Variants in USP2 observed in about 807,000 individuals in gnomAD.
USP2 encodes the protein ubiquitin carboxyl-terminal hydrolase 2.
In USP2, 33 loss-of-function variants were observed where a neutral mutation model predicts 72.0. That is an observed-to-expected ratio of 0.46 (90% confidence interval 0.35 to 0.61). The LOEUF (loss-of-function observed/expected upper bound fraction) is 0.61. USP2 is among the 20% of genes least tolerant of loss of function. The pLI is 0.01. For missense variants in USP2, 691 were observed against 797.8 expected, an observed-to-expected ratio of 0.87 and a Z score of 1.61; for synonymous variants, 296 against 312.5, an observed-to-expected ratio of 0.95 and a Z score of 0.56.
intron 1 of USP2, among the ~76,000 whole-genome samples, chr11:119,375,164 G>A (rs972539993): frequency 3.3e-5 from 5 of 152,216 alleles, no homozygotes; most frequent in African/African-American, 1.2e-4. Context: ...TGGCCACTCA[G>A]CAGACACTGG....
rs1565312240 is a variant in USP2, at chr11:119,372,947, C to G, written c.534G>C (p.Glu178Asp). The G allele has an allele frequency of 1.9e-6, 3 of 1,613,766 alleles. No individual in the cohort carries two copies. The highest frequency in any genetic ancestry group is 1.3e-5 in the African/African-American group (1 of 75,060). ...GGTAGAGCCCCTGCAGGGTGCAGAG[C>G]TCCTTGCGCGTCCGGGCCAGCATGG... ...RSPMLARTRKELCTLQGLYQT... is the reference protein window; with the variant it reads ...RSPMLARTRKDLCTLQGLYQT... Residue 178 changes from glutamate (E) to aspartate (D), a missense_variant, in exon 2 of 13, where the codon GAG (glutamate) becomes GAC (aspartate). Coordinates refer to ENST00000260187, the MANE Select transcript of USP2 (RefSeq NM_004205.5).
At chr11:119,358,645 G>T in intron 7 of USP2, 128 bp downstream of exon 7, 1 of 1,145,074 alleles carries the variant, frequency 8.7e-7, no homozygotes, top group Non-Finnish European at 1.3e-6. Context: ...TGCTGTTCCT[G>T]CTTTGCTTTG....
chr11:119,366,164 G>C (rs1950850295), intron 2 of USP2, among the ~76,000 whole-genome samples: 1 of 152,192 alleles, frequency 6.6e-6, no homozygotes. Flanking sequence ...CAAAGTGCTG[G>C]GATTACAGGC....
At position 119,355,326 on chromosome 11, in the gene USP2, C is replaced by G. The variant is rs1950635288; in HGVS notation, c.*1509G>C. On this transcript the variant is annotated 3_prime_UTR_variant, in exon 13 of 13. Coordinates refer to ENST00000260187, the MANE Select transcript of USP2 (RefSeq NM_004205.5). ...GTACACTTGCCCTTGGGCTCAGGTT[C>G]ACAGGTCTTCTCTGGAGAAGGGTGT... 1.3e-5 allele frequency: 2 copies of G among 152,250 alleles called. No individual in the cohort carries two copies. The highest frequency in any genetic ancestry group is 2.9e-5 in the Non-Finnish European group (2 of 68,062). The allele number at this position is 152,250 out of a possible 1,614,324, so 9.4% of individuals were successfully genotyped here.
In USP2 at chr11:119,381,682, A is replaced by G; in HGVS notation, c.-251T>C. The G allele has an allele frequency of 1.2e-6, 1 of 850,242 alleles. No individual in the cohort carries two copies. Among genetic ancestry groups the G allele is most frequent in the Non-Finnish European group, 1.9e-6 (1 of 529,080 alleles). The allele number at this position is 850,242 out of a possible 1,614,324, so 52.7% of individuals were successfully genotyped here. A position where few individuals can be genotyped will look rare whatever the true frequency, so the allele number is the denominator to read the frequency against. On this transcript the variant is annotated 5_prime_UTR_variant, in exon 1 of 13. The change abolishes an upstream ATG in the 5' untranslated region. Transcript: ENST00000260187. Reference sequence around the variant, plus strand: ...GCGCCACCCAGCGGGCAGCCGCCTCATCGCGCCTGGGCCGGCAGAGCCACA... The same window carrying G: ...GCGCCACCCAGCGGGCAGCCGCCTCGTCGCGCCTGGGCCGGCAGAGCCACA...
intron 2 of USP2, among the ~76,000 whole-genome samples, chr11:119,364,488 G>C (rs1487122606): frequency 6.6e-6 from 1 of 152,158 alleles, no homozygotes; most frequent in African/African-American, 2.4e-5. Flanking sequence ...AGTGATCTTT[G>C]GGGCCCGCAG....
Position 119,358,130 on chromosome 11 carries a change from G to A in USP2, c.1341+19C>T, listed in dbSNP as rs368750566. On this transcript the variant is annotated intron_variant, in intron 8 of 12. Coordinates refer to ENST00000260187, the MANE Select transcript of USP2 (RefSeq NM_004205.5). The stretch of plus-strand genomic sequence containing the variant: ...GACAGGAGAGGGAGTTCAACAAGGC[G>A]GGCAACTGGGGTGCATACCTTAGCA... 2.7e-4 allele frequency: 438 copies of A among 1,614,020 alleles called. 1 individual carries two copies. In the African/African-American group the frequency reaches 5.1e-3, roughly 19 times the overall value.
rs151080852 is a variant in USP2 at position 119,372,439 on chromosome 11, G to C, written c.774+268C>G. 7.5e-3 allele frequency among the ~76,000 whole-genome samples: 1,148 copies of C among 152,358 alleles called. 5 individuals are homozygous for C. Among genetic ancestry groups the C allele is most frequent in the Non-Finnish European group, 0.012 (831 of 68,036 alleles). ...GAGAAGGTGAGAAGAGTGGTTCATTGGGCGCAGCAGAGCATTCCTGAGAAC... is the reference window on the plus strand; with the variant it reads ...GAGAAGGTGAGAAGAGTGGTTCATTCGGCGCAGCAGAGCATTCCTGAGAAC... On this transcript the variant is annotated intron_variant, in intron 2 of 12. Coordinates refer to ENST00000260187, the MANE Select transcript of USP2 (RefSeq NM_004205.5).
At chr11:119,377,802 C>T (rs1326840644) in intron 1 of USP2, among the ~76,000 whole-genome samples, 1 of 152,174 alleles carries the variant, frequency 6.6e-6, no homozygotes, top group Non-Finnish European at 1.5e-5. Context: ...GCTCCCTAAC[C>T]TGCCCAGCCA....
At chr11:119,364,136 C>T in intron 2 of USP2, 1 of 1,218,582 alleles carries the variant, frequency 8.2e-7, no homozygotes, top group African/African-American at 1.6e-5. Flanking sequence ...CCCGAACGCG[C>T]GCTCCTCCGC....
chr11:119,363,820 GCGGGGGTCC>G lies in USP2; in HGVS notation c.775-3595_775-3587del, dbSNP rs559378524. 1.2e-3 allele frequency: 1,695 copies of G among 1,384,968 alleles called. 1 individual carries two copies. The highest frequency in any genetic ancestry group is 1.5e-3 in the Non-Finnish European group (1,609 of 1,065,040). The allele number at this position is 1,384,968 out of a possible 1,614,324, so 85.8% of individuals were successfully genotyped here. ...GAAGGCGGGACCCCAGGCCCTCGGCGCGGGGGTCCCGGAAAAGGGCCCGCGTACCTTGGC... is the reference window on the plus strand; with the variant it reads ...GAAGGCGGGACCCCAGGCCCTCGGCGCGGAAAAGGGCCCGCGTACCTTGGC... On this transcript the variant is annotated intron_variant, in intron 2 of 12. Coordinates refer to ENST00000260187, the MANE Select transcript of USP2 (RefSeq NM_004205.5).
At chr11:119,365,598 G>A (rs1369550007) in intron 2 of USP2, among the ~76,000 whole-genome samples, 1 of 152,210 alleles carries the variant, frequency 6.6e-6, no homozygotes, top group Non-Finnish European at 1.5e-5. Context: ...CTGAAGCAAT[G>A]TTTGCATCTG....
intron 2 of USP2, among the ~76,000 whole-genome samples, chr11:119,368,945 A>G (rs943937097): frequency 3.9e-5 from 6 of 152,180 alleles, no homozygotes; most frequent in African/African-American, 1.4e-4. Context: ...TAGGGGTTAA[A>G]GCGCAGCCCT....
At chr11:119,363,890 G>A in intron 2 of USP2, 1 of 1,403,094 alleles carries the variant, frequency 7.1e-7, no homozygotes, top group Non-Finnish European at 9.3e-7. Flanking sequence ...GTGGAGAGCA[G>A]CAGGGACGGG....
intron 1 of USP2, chr11:119,379,270 G>A: frequency 1.0e-6 from 1 of 985,398 alleles, no homozygotes. Context: ...TCGGGCCAGT[G>A]CCAGCCAAGG....
At chr11:119,376,142 C>T in intron 1 of USP2, 1 of 982,416 alleles carries the variant, frequency 1.0e-6, no homozygotes, top group Non-Finnish European at 1.2e-6. Flanking sequence ...CTCTCCCCTC[C>T]CGCAACCCCC....
rs1429957997 is a variant in USP2, at chr11:119,359,320, G to A, written c.972C>T (p.Thr324=). Residue 324 remains threonine, a synonymous_variant, in exon 5 of 13, where the codon ACC becomes ACT. Coordinates refer to ENST00000260187, the MANE Select transcript of USP2 (RefSeq NM_004205.5). ...CATCATTGGGGGATGAAGTCCATAT[G>A]GTCTGAATTAGTTTTGCAAACTCTA... The part of the protein sequence containing the change: ...LVEEFAKLIQ[T]IWTSSPNDVV... The A allele has an allele frequency of 1.9e-6, 3 of 1,613,808 alleles. No individual in the cohort carries two copies. Among genetic ancestry groups the A allele is most frequent in the Non-Finnish European group, 2.5e-6 (3 of 1,179,960 alleles).
rs568661600 is a variant in USP2 at position 119,372,281 on chromosome 11, G to A, written c.774+426C>T. ...GCCTTGGGGCTAGGGAATAAAGCCT[G>A]CACAAGAGGGGAGATGCAACCACAG... On this transcript the variant is annotated intron_variant, in intron 2 of 12. Coordinates refer to ENST00000260187, the MANE Select transcript of USP2 (RefSeq NM_004205.5). Among the ~76,000 whole-genome samples the A allele has an allele frequency of 7.9e-5, 12 of 152,354 alleles. No homozygotes were observed. In the East Asian group the frequency reaches 2.3e-3, roughly 29 times the overall value.
rs1476122955 is a variant in USP2, at chr11:119,359,006, C to T, written c.1172+18G>A. On this transcript the variant is annotated intron_variant, in intron 6 of 12. Coordinates refer to ENST00000260187, the MANE Select transcript of USP2 (RefSeq NM_004205.5). ...TCACAAAAGTTTTGCTTTCCCACAG[C>T]ATTCTCCTCTTACTTACGGAAGATG... 5.0e-6 allele frequency: 8 copies of T among 1,613,224 alleles called. No individual in the cohort carries two copies. Among genetic ancestry groups the T allele is most frequent in the South Asian group, 3.3e-5 (3 of 91,050 alleles).
Sources: gnomAD v4.1 joint callset for allele counts (sites outside exome capture counted in the v4.1 genomes callset) on GRCh38, gnomAD v4.1.1 for gene constraint, MANE v1.5 for transcripts, NCBI Gene and HGNC (gene_info 2026-07-23, HGNC 2026-07-21) for gene names.